Variants in LONP1 observed in about 807,000 individuals in gnomAD.
The protein encoded by LONP1 is lon peptidase 1, mitochondrial.
Under a neutral mutation model 98.5 loss-of-function variants are expected in LONP1, and 31 were observed. That is an observed-to-expected ratio of 0.31 (90% CI 0.24 to 0.42). LONP1 has a LOEUF of 0.42. LONP1 is among the 20% of genes least tolerant of loss of function. The pLI, the probability that LONP1 is intolerant of heterozygous loss-of-function variation, is 1.00. For missense variants in LONP1, 1,336 were observed against 1,350.6 expected, an observed-to-expected ratio of 0.99 and a Z score of 0.17; for synonymous variants, 781 against 594.7, an observed-to-expected ratio of 1.31 and a Z score of -4.56.
chr19:5,702,540 A>G (rs1199199816), intron 8 of LONP1, among the ~76,000 whole-genome samples: 1 of 150,134 alleles, frequency 6.7e-6, no homozygotes, highest in East Asian at 2.0e-4. Flanking sequence ...CCAACAGCTC[A>G]TTGAGAACGG....
At chr19:5,706,518 G>A (rs1460215671) in intron 7 of LONP1, among the ~76,000 whole-genome samples, 2 of 152,128 alleles carry the variant, frequency 1.3e-5, no homozygotes, top group African/African-American at 4.8e-5. Flanking sequence ...GAGGTGGGAG[G>A]ATCACTTGAG....
intron 10 of LONP1, among the ~76,000 whole-genome samples, chr19:5,697,970 G>GC (rs1438242267): frequency 6.8e-6 from 1 of 147,528 alleles, no homozygotes; most frequent in Admixed American, 6.9e-5. Flanking sequence ...AGGACTGGGT[G>GC]CCCCCCACCC....
At position 5,702,259 on chromosome 19, in the gene LONP1, G is replaced by A. The variant is rs550168342; in HGVS notation, c.1368-1332C>T. Among the ~76,000 whole-genome samples, 108 of 131,304 alleles carry A rather than the reference G, an allele frequency of 8.2e-4. 1 individual carries two copies. The South Asian group carries it at 0.02, about 25-fold the overall frequency. 86.1% of individuals were successfully genotyped at this position (131,304 alleles called of 152,430 possible). On this transcript the variant is annotated intron_variant, in intron 8 of 17. Coordinates refer to ENST00000360614, the MANE Select transcript of LONP1 (RefSeq NM_004793.4). Reference sequence around the variant, plus strand: ...CCCGTCTGGGAGGGAGGTTGGGGGGGGGGTCAGCCCCCCACCAGGCCAGCT... The same window carrying A: ...CCCGTCTGGGAGGGAGGTTGGGGGGAGGGTCAGCCCCCCACCAGGCCAGCT...
chr19:5,716,275 T>C (rs1387031985), intron 1 of LONP1, among the ~76,000 whole-genome samples: 18 of 84,152 alleles, frequency 2.1e-4, no homozygotes, highest in African/African-American at 6.9e-4. Context: ...TATATATATA[T>C]ATATATATAT....
rs760281586 is a variant in LONP1 at position 5,694,538 on chromosome 19, C to T, written c.2169G>A (p.Ser723=). The T allele has an allele frequency of 1.6e-5, 25 of 1,611,012 alleles. No individual in the cohort carries two copies. The East Asian group carries it at 2.2e-4, about 14-fold the overall frequency. ...QKQVEKVLRK[S]AYKIVSGEAE... is the part of the protein sequence containing the mutation. ...CCTCGCCGCTGACAATCTTGTAGGCCGATTTCCGTAACACCTGGGCGGTCA... is the reference window on the plus strand; with the variant it reads ...CCTCGCCGCTGACAATCTTGTAGGCTGATTTCCGTAACACCTGGGCGGTCA... Residue 723 remains serine, a synonymous_variant, in exon 15 of 18, where the codon TCG becomes TCA. Coordinates refer to ENST00000360614, the MANE Select transcript of LONP1 (RefSeq NM_004793.4).
At chr19:5,692,913 G>T (rs2054855021) in intron 17 of LONP1, among the ~76,000 whole-genome samples, 1 of 152,122 alleles carries the variant, frequency 6.6e-6, no homozygotes. Context: ...TGGGGACAGT[G>T]GCGCTCCAAC....
Position 5,712,007 on chromosome 19 carries a change from C to T in LONP1, c.639-5G>A. The T allele has an allele frequency of 6.2e-7, 1 of 1,609,466 alleles. No individual in the cohort carries two copies. Among genetic ancestry groups the T allele is most frequent in the Non-Finnish European group, 8.5e-7 (1 of 1,177,584 alleles). ...AGCTGTCTGCTGATATGGACTCTGA[C>T]ACGGGAGCAAGGCAGGTGTGAATCA... is the stretch of plus-strand genomic sequence containing the variant. On this transcript the variant is annotated splice_region_variant and splice_polypyrimidine_tract_variant and intron_variant, in intron 3 of 17. Transcript: ENST00000360614.
Position 5,692,030 on chromosome 19 carries a change from C to CGT in LONP1, c.2880_*1dup. On this transcript the variant is annotated 3_prime_UTR_variant, in exon 18 of 18. Transcript: ENST00000360614. Reference sequence around the variant, plus strand: ...CCGCCGCCTGCAGTCCCGGGGTGGCCGTCACCGTTCCACGGCCAGCGCCTC... The same window carrying CGT: ...CCGCCGCCTGCAGTCCCGGGGTGGCCGTGTCACCGTTCCACGGCCAGCGCCTC... 1 of 1,273,714 alleles carries CGT rather than the reference C, an allele frequency of 7.9e-7. No individual in the cohort carries two copies. The highest frequency in any genetic ancestry group is 1.1e-6 in the Non-Finnish European group (1 of 916,212). 78.9% of individuals were successfully genotyped at this position (1,273,714 alleles called of 1,614,324 possible).
Position 5,713,129 on chromosome 19 carries a change from C to T in LONP1, c.638+5G>A, listed in dbSNP as rs1002001332. The T allele has an allele frequency of 5.0e-6, 8 of 1,614,026 alleles. No individual in the cohort carries two copies. Among genetic ancestry groups the T allele is most frequent in the African/African-American group, 1.3e-5 (1 of 75,028 alleles). On this transcript the variant is annotated splice_donor_5th_base_variant and intron_variant, in intron 3 of 17. Transcript: ENST00000360614. Reference sequence around the variant, plus strand: ...ACCTCCCACTGTCCCCCGCCAGCCACCCACCTTCTGTGTCCCATGACGATC... The same window carrying T: ...ACCTCCCACTGTCCCCCGCCAGCCATCCACCTTCTGTGTCCCATGACGATC...
In LONP1 at chr19:5,709,855, T is replaced by A. The variant is rs1599473211; in HGVS notation, c.871-1452A>T. Reference sequence around the variant, plus strand: ...TGAACCCGGGAGGTGGAGCTTGCGGTGAGCCGAGATCACGCCACTGCACTC... The same window carrying A: ...TGAACCCGGGAGGTGGAGCTTGCGGAGAGCCGAGATCACGCCACTGCACTC... On this transcript the variant is annotated intron_variant, in intron 4 of 17. Transcript: ENST00000360614. Among the ~76,000 whole-genome samples, 4 of 122,738 alleles carry A rather than the reference T, an allele frequency of 3.3e-5. No individual in the cohort carries two copies. In the South Asian group the frequency reaches 1.0e-3, roughly 31 times the overall value. 80.5% of individuals were successfully genotyped at this position (122,738 alleles called of 152,430 possible). A position where few individuals can be genotyped will look rare whatever the true frequency, so the allele number is the denominator to read the frequency against.
chr19:5,699,721 C>T (rs897127882), intron 9 of LONP1, among the ~76,000 whole-genome samples: 1 of 151,620 alleles, frequency 6.6e-6, no homozygotes, highest in Non-Finnish European at 1.5e-5. Flanking sequence ...CCATGCCTGG[C>T]TACTTTTTTT....
chr19:5,713,810 G>A (rs2145627770), intron 2 of LONP1, among the ~76,000 whole-genome samples: 1 of 152,152 alleles, frequency 6.6e-6, no homozygotes, highest in East Asian at 1.9e-4. Flanking sequence ...TGATCCACAT[G>A]CCTCAGCCTC....
chr19:5,692,335 G>C, intron 17 of LONP1, 127 bp from the exon 18 acceptor site: 1 of 895,088 alleles, frequency 1.1e-6, no homozygotes, highest in East Asian at 2.8e-5. Flanking sequence ...TAAGCAGTAA[G>C]TCCCAAAACC....
chr19:5,713,561 TG>T (rs1225396540), intron 2 of LONP1, among the ~76,000 whole-genome samples: 2 of 152,154 alleles, frequency 1.3e-5, no homozygotes, highest in Non-Finnish European at 2.9e-5. Context: ...AATGCATGCA[TG>T]GAACTCTTTT....
At chr19:5,693,206 G>T in intron 17 of LONP1, 92 bp downstream of exon 17, 1 of 1,467,636 alleles carries the variant, frequency 6.8e-7, no homozygotes, top group Non-Finnish European at 9.3e-7. Flanking sequence ...CCCTCTCCTT[G>T]GCCCAGGCAG....
intron 10 of LONP1, 129 bp from the exon 11 acceptor site, chr19:5,696,886 G>A: frequency 1.6e-6 from 1 of 640,436 alleles, no homozygotes; most frequent in Non-Finnish European, 2.7e-6. Context: ...GATGTGGGAG[G>A]CGGAAATGCT....
rs3737238 is a variant in LONP1, at chr19:5,707,417, C to T, written c.1063-274G>A. 0.017 allele frequency among the ~76,000 whole-genome samples: 2,623 copies of T among 152,312 alleles called. 46 individuals carry two copies. Among genetic ancestry groups the T allele is most frequent in the East Asian group, 0.036 (185 of 5,184 alleles). Reference sequence around the variant, plus strand: ...AAAGACTGGCAACGCCCCGGGTACACGGCCCAGAGGATCCCACTGAACCCG... The same window carrying T: ...AAAGACTGGCAACGCCCCGGGTACATGGCCCAGAGGATCCCACTGAACCCG... On this transcript the variant is annotated intron_variant, in intron 6 of 17. Transcript: ENST00000360614.
intron 3 of LONP1, 102 bp from the exon 4 acceptor site, chr19:5,712,104 G>A: frequency 1.1e-6 from 1 of 939,416 alleles, no homozygotes; most frequent in Non-Finnish European, 1.6e-6. Context: ...GTCCCGCTGA[G>A]CCCAGACCTC....
At position 5,692,195 on chromosome 19, in the gene LONP1, C is replaced by T. The variant is rs769285838; in HGVS notation, c.2717G>A (p.Gly906Glu). 3.7e-6 allele frequency: 6 copies of T among 1,612,710 alleles called. No homozygotes were observed. The highest frequency in any genetic ancestry group is 1.7e-5 in the Admixed American group (1 of 59,920). ...KEKTIAAKRA[G>E]VTCIVLPAEN... ...GGCTGGCAGGACGATGCACGTCACC[C>T]CTGCGCGCTTGGCCTGGGGGCAGAG... The change falls in exon 18 of 18, where the codon GGG becomes GAG. Residue 906 changes from glycine (G) to glutamate (E), a missense_variant. Around this residue, in one of 5 missense-constraint regions of LONP1, gnomAD observed 555 missense variants for 542.6 expected, o/e 1.02. Coordinates refer to ENST00000360614, the MANE Select transcript of LONP1 (RefSeq NM_004793.4).
Sources: gnomAD v4.1 joint callset for allele counts (sites outside exome capture counted in the v4.1 genomes callset) on GRCh38, gnomAD v4.1.1 for gene constraint, gnomAD v4.1.1 regional missense constraint, MANE v1.5 for transcripts, NCBI Gene and HGNC (gene_info 2026-07-23, HGNC 2026-07-21) for gene names.